VWA8: variants seen among roughly 807,000 people sequenced by gnomAD.
The protein encoded by VWA8 is von Willebrand factor A domain-containing protein 8.
Under a neutral mutation model 241.5 loss-of-function variants are expected in VWA8, and 221 were observed. The observed-to-expected ratio is 0.91, with a 90% CI of 0.82 to 1.02. The LOEUF (loss-of-function observed/expected upper bound fraction) is 1.02, where lower values mean the gene tolerates loss of function less well. Among genes scored for constraint, VWA8 ranks in the 50% least tolerant of loss-of-function variants. The pLI is 0.00. For missense variants in VWA8, 2,322 were observed against 2,328.7 expected (o/e 1.00, Z 0.06); for synonymous variants, 852 against 827.1 (o/e 1.03, Z -0.52).
intron 40 of VWA8, among the ~76,000 whole-genome samples, chr13:41,600,871 C>T (rs559391954): frequency 4.6e-5 from 7 of 152,048 alleles, no homozygotes; most frequent in Non-Finnish European, 1.0e-4. Context: ...TCATTCTTTC[C>T]ATTTTCATTT....
At chr13:41,794,509 C>T (rs947109908) in intron 17 of VWA8, among the ~76,000 whole-genome samples, 3 of 152,148 alleles carry the variant, frequency 2.0e-5, no homozygotes, top group African/African-American at 7.2e-5. Context: ...GCTGAAGTTG[C>T]TTATCAGCTT....
rs1593701506 is a variant in VWA8 at position 41,694,161 on chromosome 13, T to C, written c.3565-1189A>G. The stretch of plus-strand genomic sequence containing the variant: ...AATTAATCATGACCCTTGCCTTCTG[T>C]CATATAATTTAGTTAGAGAAATAAA... On this transcript the variant is annotated intron_variant, in intron 29 of 44. Transcript: ENST00000379310. Among the ~76,000 whole-genome samples, 3 of 152,128 alleles carry C rather than the reference T, an allele frequency of 2.0e-5. No homozygotes were observed. In the East Asian group the frequency reaches 5.8e-4, roughly 29 times the overall value.
chr13:41,826,072 T>TA lies in VWA8; in HGVS notation c.1700+4456dup, dbSNP rs138325561. Among the ~76,000 whole-genome samples, 291 of 152,188 alleles carry TA rather than the reference T, an allele frequency of 1.9e-3. 1 individual carries two copies. Among genetic ancestry groups the TA allele is most frequent in the Non-Finnish European group, 2.9e-3 (196 of 68,004 alleles). Reference sequence around the variant, plus strand: ...AGAAGAATCTAACCTATTATAACCCTAAAAAAGAACATATTTATTTTCAGA... The same window carrying TA: ...AGAAGAATCTAACCTATTATAACCCTAAAAAAAGAACATATTTATTTTCAGA... On this transcript the variant is annotated intron_variant, in intron 14 of 44. Coordinates refer to ENST00000379310, the MANE Select transcript of VWA8 (RefSeq NM_015058.2).
chr13:41,842,393 C>T (rs1207154185), intron 12 of VWA8, among the ~76,000 whole-genome samples: 3 of 152,184 alleles, frequency 2.0e-5, no homozygotes, highest in Non-Finnish European at 4.4e-5. Flanking sequence ...ACCTGTAGCA[C>T]ATAAAATTAA....
At chr13:41,947,949 AAAAACAAAACAAAAC>A (rs1319078728) in intron 2 of VWA8, among the ~76,000 whole-genome samples, 1 of 149,116 alleles carries the variant, frequency 6.7e-6, no homozygotes, top group African/African-American at 2.5e-5. Context: ...AAAAAAAAAA[AAAAACAAAACAAAAC>A]ATTTTGGTAA....
At chr13:41,939,235 C>T (rs1877485274) in intron 2 of VWA8, among the ~76,000 whole-genome samples, 1 of 152,172 alleles carries the variant, frequency 6.6e-6, no homozygotes. Flanking sequence ...TGGAGCACAA[C>T]CTCGTGAGGC....
At chr13:41,866,348 C>CA (rs971802530) in intron 10 of VWA8, among the ~76,000 whole-genome samples, 2,937 of 141,812 alleles carry the variant, frequency 0.021, 56 homozygotes, top group Non-Finnish European at 0.028. Context: ...GACTCTGTCC[C>CA]AAAAAAAAAA....
intron 9 of VWA8, among the ~76,000 whole-genome samples, chr13:41,872,257 G>A (rs1345898990): frequency 6.6e-6 from 1 of 152,118 alleles, no homozygotes; most frequent in Non-Finnish European, 1.5e-5. Flanking sequence ...TTTGTGGGTT[G>A]CCTGTTCACT....
At chr13:41,740,020 A>C (rs1185645734) in intron 21 of VWA8, among the ~76,000 whole-genome samples, 1 of 151,540 alleles carries the variant, frequency 6.6e-6, no homozygotes, top group Non-Finnish European at 1.5e-5. Context: ...ATGCCCGGCT[A>C]ATTTTTTGTG....
chr13:41,889,090 A>T (rs1340392314), intron 5 of VWA8, among the ~76,000 whole-genome samples: 1 of 152,202 alleles, frequency 6.6e-6, no homozygotes, highest in African/African-American at 2.4e-5. Flanking sequence ...ACCTTTATGA[A>T]ACCAATAACA....
intron 42 of VWA8, among the ~76,000 whole-genome samples, chr13:41,576,461 T>A (rs969780885): frequency 6.6e-6 from 1 of 152,200 alleles, no homozygotes; most frequent in African/African-American, 2.4e-5. Context: ...CAACAATCCA[T>A]AACATAACTG....
chr13:41,690,183 C>A lies in VWA8; in HGVS notation c.3959G>T (p.Gly1320Val). 1.2e-6 allele frequency: 2 copies of A among 1,612,436 alleles called. No individual in the cohort carries two copies. Among genetic ancestry groups the A allele is most frequent in the Non-Finnish European group, 1.7e-6 (2 of 1,178,922 alleles). The change falls in exon 33 of 45, where the codon GGG becomes GTG. Residue 1320 changes from glycine to valine, a missense_variant. Physicochemically the swap from Gly to Val is moderately radical, Grantham distance 109. Transcript: ENST00000379310. ...YVLKEEPPST[G>V]FGVTQETEFS... is the part of the protein sequence containing the mutation. ...GTATTTACCTTGTGTAACTCCAAAC[C>A]CTGTGCTGGGCGGCTCCTCTTTCAG...
At chr13:41,640,310 A>G (rs1230430600) in intron 37 of VWA8, among the ~76,000 whole-genome samples, 1 of 152,186 alleles carries the variant, frequency 6.6e-6, no homozygotes, top group Non-Finnish European at 1.5e-5. Context: ...CCATAAATAA[A>G]AAGAAACAGT....
At chr13:41,574,535 A>G (rs1475004348) in intron 43 of VWA8, among the ~76,000 whole-genome samples, 3 of 152,224 alleles carry the variant, frequency 2.0e-5, no homozygotes, top group African/African-American at 7.2e-5. Context: ...TCCCATCAAA[A>G]TACCATCATT....
At chr13:41,720,950 T>C (rs1016610832) in intron 25 of VWA8, among the ~76,000 whole-genome samples, 1 of 152,210 alleles carries the variant, frequency 6.6e-6, no homozygotes, top group African/African-American at 2.4e-5. Flanking sequence ...TATTTACAGG[T>C]ATTTAATCAG....
chr13:41,727,555 G>A (rs143854628), intron 23 of VWA8, among the ~76,000 whole-genome samples: 49 of 152,168 alleles, frequency 3.2e-4, no homozygotes, highest in African/African-American at 1.2e-3. Context: ...TACCTTCAGA[G>A]TACATCTAAA....
chr13:41,656,104 C>G (rs1433628743), intron 37 of VWA8, among the ~76,000 whole-genome samples: 1 of 152,082 alleles, frequency 6.6e-6, no homozygotes, highest in Non-Finnish European at 1.5e-5. Context: ...TTGAGAGTAA[C>G]CCGAAGCAGA....
At chr13:41,724,272 T>C (rs1393697033) in intron 24 of VWA8, among the ~76,000 whole-genome samples, 2 of 152,268 alleles carry the variant, frequency 1.3e-5, no homozygotes, top group South Asian at 2.1e-4. Context: ...ATAGCAAGTG[T>C]AGACAACTCT....
At chr13:41,584,965 TACCC>T (rs2044407112) in intron 42 of VWA8, among the ~76,000 whole-genome samples, 1 of 152,182 alleles carries the variant, frequency 6.6e-6, no homozygotes, top group African/African-American at 2.4e-5. Context: ...CTCACTGGGC[TACCC>T]AGCAGAGTGC....
Sources: gnomAD v4.1 joint callset for allele counts (sites outside exome capture counted in the v4.1 genomes callset) on GRCh38, gnomAD v4.1.1 for gene constraint, MANE v1.5 for transcripts, NCBI Gene and HGNC (gene_info 2026-07-23, HGNC 2026-07-21) for gene names.